Variants in ZNF35 observed in about 807,000 individuals in gnomAD.
ZNF35 encodes the protein zinc finger protein 35.
In ZNF35, 31 loss-of-function variants were observed where a neutral mutation model predicts 45.9. That is an observed-to-expected ratio of 0.68 (90% CI 0.51 to 0.91). The LOEUF (loss-of-function observed/expected upper bound fraction) is 0.91. Ranked by LOEUF, ZNF35 falls within the 40% of genes least tolerant of loss-of-function variation. The probability of loss-of-function intolerance (pLI) is 0.00; values close to 1 mark genes in which losing one functional copy is unlikely to be tolerated. For missense variants in ZNF35, 515 were observed against 625.4 expected, an observed-to-expected ratio of 0.82 and a Z score of 1.88; for synonymous variants, 205 against 220.2, an observed-to-expected ratio of 0.93 and a Z score of 0.61.
Position 44,659,897 on chromosome 3 carries a change from A to C in ZNF35, c.1534A>C (p.Ile512Leu), listed in dbSNP as rs374377379. Residue 512 changes from isoleucine to leucine, a missense_variant, in exon 4 of 4, where the codon ATT (isoleucine) becomes CTT (leucine). Coordinates refer to ENST00000396056, the MANE Select transcript of ZNF35 (RefSeq NM_003420.4). This position sits in a 1 kb window ranked among gnomAD's most constrained non-coding sequence, Gnocchi z 4.3. ...YECEKCGAAF[I>L]SNSHLMRHHR... ...ATGTGAGAAGTGTGGTGCAGCTTTC[A>C]TTTCCAACTCACACCTCATGCGACA... The C allele has an allele frequency of 6.3e-7, 1 of 1,596,394 alleles. No individual in the cohort carries two copies. Among genetic ancestry groups the C allele is most frequent in the African/African-American group, 1.3e-5 (1 of 74,218 alleles).
At chr3:44,646,793 A>G (rs1293830090), upstream of ZNF35, 1 of 385,340 alleles carries the variant, frequency 2.6e-6, no homozygotes, top group Non-Finnish European at 4.7e-6. Context: ...CCAGAAATAG[A>G]CTCACATAAA....
chr3:44,650,005 AACATATAAGT>A (rs1703157941), intron 1 of ZNF35, among the ~76,000 whole-genome samples: 2 of 152,318 alleles, frequency 1.3e-5, no homozygotes, highest in Non-Finnish European at 2.9e-5. Flanking sequence ...TGTGAAGGTG[AACATATAAGT>A]ATGTAAATGC....
rs777108453 is a variant in ZNF35 at position 44,651,021 on chromosome 3, T to C, written c.-47T>C. The stretch of plus-strand genomic sequence containing the variant: ...TAAAGCTTGGATGGGGTTTGACCTC[T>C]GCAGGGCAGCGCCCAGCTATAGGAG... On this transcript the variant is annotated 5_prime_UTR_variant, in exon 2 of 4. Transcript: ENST00000396056. The C allele has an allele frequency of 9.5e-6, 15 of 1,580,752 alleles. No individual in the cohort carries two copies. The East Asian group carries it at 3.4e-4, about 35-fold the overall frequency.
rs370639159 is a variant in ZNF35 at position 44,659,961 on chromosome 3, G to T, written c.*14G>T. On this transcript the variant is annotated 3_prime_UTR_variant, in exon 4 of 4. Coordinates refer to ENST00000396056, the MANE Select transcript of ZNF35 (RefSeq NM_003420.4). This position sits in a 1 kb window ranked among gnomAD's most constrained non-coding sequence, Gnocchi z 4.3. ...CTTGTTGAATAACAAGTAAGGAAGAGGAAGACCTCCAGCATTGGTCATAAC... is the reference window on the plus strand; with the variant it reads ...CTTGTTGAATAACAAGTAAGGAAGATGAAGACCTCCAGCATTGGTCATAAC... The T allele has an allele frequency of 6.5e-7, 1 of 1,528,102 alleles. No individual in the cohort carries two copies. Among genetic ancestry groups the T allele is most frequent in the Admixed American group, 2.1e-5 (1 of 46,898 alleles). 94.7% of individuals were successfully genotyped at this position (1,528,102 alleles called of 1,614,324 possible).
chr3:44,656,687 C>G (rs1379257639), intron 3 of ZNF35, among the ~76,000 whole-genome samples: 8 of 134,860 alleles, frequency 5.9e-5, no homozygotes, highest in Non-Finnish European at 9.6e-5. Flanking sequence ...CTGCACCCGG[C>G]TTTTTTTTTT....
In ZNF35 at chr3:44,658,912, C is replaced by T; in HGVS notation, c.549C>T (p.His183=). The part of the protein sequence containing the change: ...DFRQVIVNDC[H]LPESFKEEEN... ...GACAAGTGATAGTGAATGACTGTCACTTACCTGAAAGCTTCAAAGAAGAGG... is the reference window on the plus strand; with the variant it reads ...GACAAGTGATAGTGAATGACTGTCATTTACCTGAAAGCTTCAAAGAAGAGG... The change falls in exon 4 of 4, where the codon CAC becomes CAT. Residue 183 remains histidine, a synonymous_variant. Transcript: ENST00000396056. The T allele has an allele frequency of 6.2e-7, 1 of 1,613,440 alleles. No homozygotes were observed. The highest frequency in any genetic ancestry group is 8.5e-7 in the Non-Finnish European group (1 of 1,179,878).
intron 3 of ZNF35, among the ~76,000 whole-genome samples, chr3:44,657,059 TTC>T (rs1323493406): frequency 1.3e-5 from 2 of 152,202 alleles, no homozygotes; most frequent in Admixed American, 6.5e-5. Flanking sequence ...ACTTGGGCAT[TTC>T]TTTCCTCTGA....
In ZNF35 at chr3:44,651,543, C is replaced by T. The variant is rs75236705; in HGVS notation, c.192+284C>T. ...ATTCTATTCCTATTAAATCAGAATC[C>T]GTGGTCCAGGCACAGTGGCTCACAC... is the stretch of plus-strand genomic sequence containing the variant. On this transcript the variant is annotated intron_variant, in intron 2 of 3. Coordinates refer to ENST00000396056, the MANE Select transcript of ZNF35 (RefSeq NM_003420.4). Among the ~76,000 whole-genome samples, 1,347 of 152,116 alleles carry T rather than the reference C, an allele frequency of 8.9e-3. 22 individuals are homozygous for T. The highest frequency in any genetic ancestry group is 0.031 in the African/African-American group (1,282 of 41,486).
At chr3:44,649,544 T>C (rs1225385697) in intron 1 of ZNF35, among the ~76,000 whole-genome samples, 2 of 152,142 alleles carry the variant, frequency 1.3e-5, no homozygotes, top group Non-Finnish European at 2.9e-5. Context: ...GTTATTTTGC[T>C]CACAGGTTAA....
chr3:44,652,024 G>C lies in ZNF35; in HGVS notation c.193-533G>C, dbSNP rs115678388. Among the ~76,000 whole-genome samples the C allele has an allele frequency of 2.4e-3, 370 of 152,192 alleles. 2 individuals are homozygous for C. The highest frequency in any genetic ancestry group is 4.5e-3 in the Non-Finnish European group (303 of 68,006). ...TTCTGATTGAGGATGTCTGGGGGTG[G>C]TCTGAGATTCTGTGTTCTTTGTTTG... On this transcript the variant is annotated intron_variant, in intron 2 of 3. Transcript: ENST00000396056.
intron 2 of ZNF35, 137 bp downstream of exon 2, chr3:44,651,396 T>C: frequency 2.4e-6 from 2 of 822,338 alleles, no homozygotes; most frequent in Non-Finnish European, 3.8e-6. Flanking sequence ...TCTTTTGTAA[T>C]AGGATAGAAA....
chr3:44,651,870 G>C (rs1703209611), intron 2 of ZNF35, among the ~76,000 whole-genome samples: 1 of 151,920 alleles, frequency 6.6e-6, no homozygotes, highest in Non-Finnish European at 1.5e-5. Flanking sequence ...TGGGACCTGG[G>C]TATCCATGTT....
rs1356058570 is a variant in ZNF35, at chr3:44,648,749, T to C, written c.-213T>C. On this transcript the variant is annotated 5_prime_UTR_variant, in exon 1 of 4. Coordinates refer to ENST00000396056, the MANE Select transcript of ZNF35 (RefSeq NM_003420.4). Reference sequence around the variant, plus strand: ...GGCACTTCCTGTCCGGTCATTGTTCTCGTGCCGGTAGAAGCTGAAGTACCG... The same window carrying C: ...GGCACTTCCTGTCCGGTCATTGTTCCCGTGCCGGTAGAAGCTGAAGTACCG... 6.6e-6 allele frequency: 1 copy of C among 152,284 alleles called. No homozygotes were observed. The highest frequency in any genetic ancestry group is 1.9e-4 in the East Asian group (1 of 5,190). 9.4% of individuals were successfully genotyped at this position (152,284 alleles called of 1,614,324 possible). A position where few individuals can be genotyped will look rare whatever the true frequency, so the allele number is the denominator to read the frequency against.
Position 44,652,721 on chromosome 3 carries a change from T to A in ZNF35, c.337+20T>A. 6.5e-7 allele frequency: 1 copy of A among 1,532,598 alleles called. No homozygotes were observed. Among genetic ancestry groups the A allele is most frequent in the Non-Finnish European group, 8.8e-7 (1 of 1,140,974 alleles). 94.9% of individuals were successfully genotyped at this position (1,532,598 alleles called of 1,614,324 possible). A position where few individuals can be genotyped will look rare whatever the true frequency, so the allele number is the denominator to read the frequency against. On this transcript the variant is annotated intron_variant, in intron 3 of 3. Coordinates refer to ENST00000396056, the MANE Select transcript of ZNF35 (RefSeq NM_003420.4). ...TTCTAGGTATGGTTCAGTTCCCTGATTCTGAATCTGACCATTGGGGTTTCT... is the reference window on the plus strand; with the variant it reads ...TTCTAGGTATGGTTCAGTTCCCTGAATCTGAATCTGACCATTGGGGTTTCT...
upstream of ZNF35, chr3:44,646,730 TGAG>T: frequency 2.0e-6 from 1 of 503,298 alleles, no homozygotes; most frequent in African/African-American, 2.0e-5. Flanking sequence ...AAAACATGGA[TGAG>T]GAGGCTTGTT....
At chr3:44,652,770 G>T in intron 3 of ZNF35, 69 bp downstream of exon 3, 1 of 1,456,048 alleles carries the variant, frequency 6.9e-7, no homozygotes, top group South Asian at 1.5e-5. Context: ...GAGACTGGTG[G>T]GCATCCAGTC....
chr3:44,655,011 A>G (rs1369056599), intron 3 of ZNF35, among the ~76,000 whole-genome samples: 1 of 152,072 alleles, frequency 6.6e-6, no homozygotes, highest in African/African-American at 2.4e-5. Flanking sequence ...GTGCGTGCCT[A>G]TAGTCCCAGC....
Position 44,658,898 on chromosome 3 carries a change from G to A in ZNF35, c.535G>A (p.Val179Met), listed in dbSNP as rs1268643916. ...REKKDFRQVI[V>M]NDCHLPESFK... ...AAAGAAAGATTTCAGACAAGTGATAGTGAATGACTGTCACTTACCTGAAAG... is the reference window on the plus strand; with the variant it reads ...AAAGAAAGATTTCAGACAAGTGATAATGAATGACTGTCACTTACCTGAAAG... The change falls in exon 4 of 4, where the codon GTG (valine) becomes ATG (methionine). Residue 179 changes from valine (V) to methionine (M), a missense_variant. Val to Met is a conservative substitution (Grantham distance 21). Coordinates refer to ENST00000396056, the MANE Select transcript of ZNF35 (RefSeq NM_003420.4). 2 of 1,612,846 alleles carry A rather than the reference G, an allele frequency of 1.2e-6. No homozygotes were observed. Among genetic ancestry groups the A allele is most frequent in the Admixed American group, 1.7e-5 (1 of 59,716 alleles).
At chr3:44,647,585 G>A (rs1703031072), upstream of ZNF35, 1 of 152,030 alleles carries the variant, frequency 6.6e-6, no homozygotes, top group Admixed American at 6.5e-5. Context: ...ACAAATTGTG[G>A]TTTATGTATT....
Sources: gnomAD v4.1 joint callset for allele counts (sites outside exome capture counted in the v4.1 genomes callset) on GRCh38, gnomAD v4.1.1 for gene constraint, Gnocchi (gnomAD v3.1) non-coding constraint, MANE v1.5 for transcripts, NCBI Gene and HGNC (gene_info 2026-07-23, HGNC 2026-07-21) for gene names.